The following KLHL42 variants were observed in gnomAD, a reference collection of about 807,000 sequenced individuals.
The protein encoded by KLHL42 is kelch like family member 42.
In KLHL42, 27 loss-of-function variants were observed where a neutral mutation model predicts 32.7. The observed-to-expected ratio is 0.83, with a 90% CI of 0.61 to 1.14. KLHL42 has a LOEUF of 1.14. Among genes scored for constraint, KLHL42 ranks in the 50% most tolerant of loss-of-function variants. The probability of loss-of-function intolerance (pLI) is 0.00; values close to 1 mark genes in which losing one functional copy is unlikely to be tolerated. For missense variants in KLHL42, 491 were observed against 560.8 expected (o/e 0.88, Z 1.26); for synonymous variants, 267 against 248.2 (o/e 1.08, Z -0.71).
intron 1 of KLHL42, among the ~76,000 whole-genome samples, chr12:27,782,138 T>C (rs2062152160): frequency 6.6e-6 from 1 of 152,132 alleles, no homozygotes; most frequent in Non-Finnish European, 1.5e-5. Flanking sequence ...CCTCACAGGG[T>C]CCTGGTCCTG....
chr12:27,781,891 A>T (rs1483753457), intron 1 of KLHL42, among the ~76,000 whole-genome samples: 1 of 152,166 alleles, frequency 6.6e-6, no homozygotes, highest in Admixed American at 6.6e-5. Context: ...AACAAGGGTG[A>T]CTTGAAGAAA....
chr12:27,788,325 C>T (rs753899272), intron 1 of KLHL42: 14 of 152,112 alleles, frequency 9.2e-5, no homozygotes, highest in African/African-American at 1.4e-4. Flanking sequence ...TATTAATGCT[C>T]ACAACATCTC....
At chr12:27,790,893 T>A (rs1197162713) in intron 1 of KLHL42, among the ~76,000 whole-genome samples, 1 of 152,010 alleles carries the variant, frequency 6.6e-6, no homozygotes, top group Admixed American at 6.6e-5. Context: ...AAAAACTGTT[T>A]ATAAAAAATT....
In KLHL42 at chr12:27,802,043, G is replaced by GT. The variant is rs2062249917; in HGVS notation, c.*3878dup. On this transcript the variant is annotated 3_prime_UTR_variant, in exon 3 of 3. Transcript: ENST00000381271. ...GGTCCCTTCGGTCTTGGCCCTGTCCGTCCTTTGTTTTTGTGATTTACTAAC... is the reference window on the plus strand; with the variant it reads ...GGTCCCTTCGGTCTTGGCCCTGTCCGTTCCTTTGTTTTTGTGATTTACTAAC... 1 of 152,058 alleles carries GT rather than the reference G, an allele frequency of 6.6e-6. No homozygotes were observed. Among genetic ancestry groups the GT allele is most frequent in the South Asian group, 2.1e-4 (1 of 4,822 alleles). The allele number at this position is 152,058 out of a possible 1,614,324, so 9.4% of individuals were successfully genotyped here. A position where few individuals can be genotyped will look rare whatever the true frequency, so the allele number is the denominator to read the frequency against.
rs765578725 is a variant in KLHL42 at position 27,794,349 on chromosome 12, A to G, written c.1066+2448A>G. On this transcript the variant is annotated intron_variant, in intron 2 of 2. Transcript: ENST00000381271. ...ATGATGCCCCTGCCTCTGTCTTCAT[A>G]TGATGCCCCTGCCTCTGTATGTATC... Among the ~76,000 whole-genome samples, 164 of 152,228 alleles carry G rather than the reference A, an allele frequency of 1.1e-3. 1 individual carries two copies. Among genetic ancestry groups the G allele is most frequent in the Non-Finnish European group, 2.5e-4 (17 of 68,018 alleles).
At position 27,801,258 on chromosome 12, in the gene KLHL42, A is replaced by G. The variant is rs1017568903; in HGVS notation, c.*3092A>G. 2 of 152,426 alleles carry G rather than the reference A, an allele frequency of 1.3e-5. No homozygotes were observed. Among genetic ancestry groups the G allele is most frequent in the East Asian group, 1.9e-4 (1 of 5,194 alleles). The allele number at this position is 152,426 out of a possible 1,614,324, so 9.4% of individuals were successfully genotyped here. Reference sequence around the variant, plus strand: ...GTAATTCCAAATGCCTTAGATATCAATGAAAGCTACACACCATTGAGATGG... The same window carrying G: ...GTAATTCCAAATGCCTTAGATATCAGTGAAAGCTACACACCATTGAGATGG... On this transcript the variant is annotated 3_prime_UTR_variant, in exon 3 of 3. Transcript: ENST00000381271.
chr12:27,781,167 C>T lies in KLHL42; in HGVS notation c.837C>T (p.Asn279=), dbSNP rs1436177666. The T allele has an allele frequency of 2.5e-6, 4 of 1,614,010 alleles. No homozygotes were observed. Among genetic ancestry groups the T allele is most frequent in the Non-Finnish European group, 3.4e-6 (4 of 1,180,030 alleles). Residue 279 remains asparagine, a synonymous_variant, in exon 1 of 3, where the codon AAC becomes AAT. Transcript: ENST00000381271. The part of the protein sequence containing the change: ...SAAHSYNPST[N]EWLQVASMNQ... The stretch of plus-strand genomic sequence containing the variant: ...CGCATTCCTACAACCCCAGCACCAA[C>T]GAGTGGCTCCAGGTGGCCTCCATGA...
chr12:27,797,892 T>C lies in KLHL42; in HGVS notation c.1244T>C (p.Met415Thr). Residue 415 changes from methionine to threonine, a missense_variant, in exon 3 of 3, where the codon ATG (methionine) becomes ACG (threonine). Around this residue, in one of 4 missense-constraint regions of KLHL42, gnomAD observed 152 missense variants for 125.9 expected, o/e 1.21. Transcript: ENST00000381271. ...CGCAGGAGCAGCCAGAGCGAGGACA[T>C]GCTCACCGTGCAGTCCTACAACACC... ...PNRRSSQSED[M>T]LTVQSYNTVT... 1 of 780,898 alleles carries C rather than the reference T, an allele frequency of 1.3e-6. No individual in the cohort carries two copies. The allele number at this position is 780,898 out of a possible 1,614,324, so 48.4% of individuals were successfully genotyped here. A position where few individuals can be genotyped will look rare whatever the true frequency, so the allele number is the denominator to read the frequency against.
chr12:27,788,023 C>T (rs1047722697), intron 1 of KLHL42: 2 of 152,286 alleles, frequency 1.3e-5, no homozygotes, highest in Admixed American at 1.3e-4. Flanking sequence ...AACCTTTCCC[C>T]TTCTCCCCTT....
intron 2 of KLHL42, among the ~76,000 whole-genome samples, chr12:27,792,519 G>GTTTA (rs1480089118): frequency 2.6e-5 from 4 of 151,980 alleles, no homozygotes; most frequent in African/African-American, 7.2e-5. Context: ...CTATTTATTT[G>GTTTA]TTTATTTATT....
At chr12:27,783,202 G>A (rs924906261) in intron 1 of KLHL42, among the ~76,000 whole-genome samples, 6 of 152,186 alleles carry the variant, frequency 3.9e-5, no homozygotes, top group South Asian at 2.1e-4. Flanking sequence ...ATAAACTAAG[G>A]AAGAGAAAAT....
At chr12:27,782,651 A>C (rs2062154060) in intron 1 of KLHL42, among the ~76,000 whole-genome samples, 1 of 151,966 alleles carries the variant, frequency 6.6e-6, no homozygotes, top group Non-Finnish European at 1.5e-5. Flanking sequence ...GCTACACATC[A>C]TTTGGTGCTC....
chr12:27,780,304 A>C lies in KLHL42; in HGVS notation c.-27A>C. On this transcript the variant is annotated 5_prime_UTR_variant, in exon 1 of 3. Transcript: ENST00000381271. The surrounding 1 kb of genome is among the most constrained non-coding windows in gnomAD (Gnocchi z 8.8). The stretch of plus-strand genomic sequence containing the variant: ...AGGCCGGCGCGCAGATCTGGCGGTG[A>C]GCGCTGCCGCCCCGGGGCCCCCAGC... 6.5e-7 allele frequency: 1 copy of C among 1,530,384 alleles called. No individual in the cohort carries two copies. The highest frequency in any genetic ancestry group is 8.7e-7 in the Non-Finnish European group (1 of 1,142,930). 94.8% of individuals were successfully genotyped at this position (1,530,384 alleles called of 1,614,324 possible). A position where few individuals can be genotyped will look rare whatever the true frequency, so the allele number is the denominator to read the frequency against.
At position 27,802,118 on chromosome 12, in the gene KLHL42, TTG is replaced by T; in HGVS notation, c.*3956_*3957del. Reference sequence around the variant, plus strand: ...TTCTTTTAAATTTGAACATCACATCTTGTGTTTTAGTTTTTTGCTCTATGATT... The same window carrying T: ...TTCTTTTAAATTTGAACATCACATCTTGTTTTAGTTTTTTGCTCTATGATT... On this transcript the variant is annotated 3_prime_UTR_variant, in exon 3 of 3. Transcript: ENST00000381271. 6.7e-6 allele frequency: 1 copy of T among 149,808 alleles called. No homozygotes were observed. Among genetic ancestry groups the T allele is most frequent in the South Asian group, 2.1e-4 (1 of 4,706 alleles). The allele number at this position is 149,808 out of a possible 1,614,324, so 9.3% of individuals were successfully genotyped here.
Position 27,798,266 on chromosome 12 carries a change from T to G in KLHL42, c.*100T>G, listed in dbSNP as rs1041025311. The G allele has an allele frequency of 1.5e-4, 98 of 660,810 alleles. No homozygotes were observed. The highest frequency in any genetic ancestry group is 1.5e-4 in the Non-Finnish European group (54 of 368,594). 40.9% of individuals were successfully genotyped at this position (660,810 alleles called of 1,614,324 possible). On this transcript the variant is annotated 3_prime_UTR_variant, in exon 3 of 3. Transcript: ENST00000381271. ...CCAATTCCTAAAGGGTAAAGAAGGG[T>G]TAAAGTAGGTCACATATATACAGTA... is the stretch of plus-strand genomic sequence containing the variant.
rs2062241754 is a variant in KLHL42, at chr12:27,800,456, G to A, written c.*2290G>A. On this transcript the variant is annotated 3_prime_UTR_variant, in exon 3 of 3. Transcript: ENST00000381271. ...TGGGCTGCCAGCAGTACGTGGGAAA[G>A]GTGGAATGTGCAATAGGAACAGATC... 2.5e-6 allele frequency: 2 copies of A among 792,360 alleles called. No individual in the cohort carries two copies. The highest frequency in any genetic ancestry group is 3.1e-6 in the Non-Finnish European group (2 of 653,930). 49.1% of individuals were successfully genotyped at this position (792,360 alleles called of 1,614,324 possible).
At chr12:27,784,608 T>G (rs1423686518) in intron 1 of KLHL42, among the ~76,000 whole-genome samples, 1 of 152,052 alleles carries the variant, frequency 6.6e-6, no homozygotes, top group Non-Finnish European at 1.5e-5. Context: ...CTGAGCAACA[T>G]AGTGAGACCT....
intron 1 of KLHL42, 98 bp downstream of exon 1, chr12:27,781,300 G>A: frequency 7.5e-7 from 1 of 1,334,412 alleles, no homozygotes; most frequent in Non-Finnish European, 1.0e-6. Context: ...AGGGGAGGGT[G>A]TGCTGTGGTG....
At position 27,781,029 on chromosome 12, in the gene KLHL42, C is replaced by T. The variant is rs750421038; in HGVS notation, c.699C>T (p.Ala233=). Residue 233 remains alanine, a synonymous_variant, in exon 1 of 3, where the codon GCC becomes GCT. Transcript: ENST00000381271. ...TGACTGAGCGTTGGTTCCCGCTGGC[C>T]AACAACCTTCCTCCCGACCTGGTCA... The part of the protein sequence containing the change: ...EEMTERWFPL[A]NNLPPDLVNV... The T allele has an allele frequency of 6.2e-7, 1 of 1,612,918 alleles. No homozygotes were observed. Among genetic ancestry groups the T allele is most frequent in the Admixed American group, 1.7e-5 (1 of 59,934 alleles).
Sources: gnomAD v4.1 joint callset for allele counts (sites outside exome capture counted in the v4.1 genomes callset) on GRCh38, gnomAD v4.1.1 for gene constraint, gnomAD v4.1.1 regional missense constraint, Gnocchi (gnomAD v3.1) non-coding constraint, MANE v1.5 for transcripts, NCBI Gene and HGNC (gene_info 2026-07-23, HGNC 2026-07-21) for gene names.